The following KDM3B variants were observed in gnomAD, a reference collection of about 807,000 sequenced individuals.
The protein encoded by KDM3B is lysine demethylase 3B.
A neutral mutation model predicts 170.0 loss-of-function variants in KDM3B; 10 were observed. The ratio of observed to expected loss-of-function variants is 0.06; its 90% CI spans 0.04 to 0.10. The LOEUF is 0.10. Ranked by LOEUF, KDM3B falls within the 10% of genes least tolerant of loss-of-function variation. The pLI, the probability that KDM3B is intolerant of heterozygous loss-of-function variation, is 1.00. For missense variants in KDM3B, 1,394 were observed against 2,195.2 expected (o/e 0.64, Z 7.29); for synonymous variants, 831 against 834.8 (o/e 1.00, Z 0.08).
chr5:138,377,850 C>A (rs372701763), intron 4 of KDM3B, 25 bp downstream of exon 4: 5 of 1,514,656 alleles, frequency 3.3e-6, no homozygotes, highest in Non-Finnish European at 4.6e-6. Flanking sequence ...TCTTCTGTCC[C>A]TGAACTCTGA....
chr5:138,405,527 T>G (rs1372488388), intron 11 of KDM3B, among the ~76,000 whole-genome samples: 3 of 148,314 alleles, frequency 2.0e-5, no homozygotes, highest in African/African-American at 7.4e-5. Flanking sequence ...AAAAAACGAG[T>G]GACCATTCTA....
In KDM3B at chr5:138,391,385, G is replaced by A; in HGVS notation, c.1753G>A (p.Ala585Thr). Reference sequence around the variant, plus strand: ...AACAGACACTAAGCCAGGCTCTAAGGCTGGCAGCTCTGTGGACCGGAAAGT... The same window carrying A: ...AACAGACACTAAGCCAGGCTCTAAGACTGGCAGCTCTGTGGACCGGAAAGT... ...LGTDTKPGSK[A>T]GSSVDRKVPA... Residue 585 changes from alanine to threonine, a missense_variant, in exon 8 of 24, where the codon GCT (alanine) becomes ACT (threonine). Around this residue, in one of 19 missense-constraint regions of KDM3B, gnomAD observed 294 missense variants for 311.7 expected, o/e 0.94. Transcript: ENST00000314358. This position sits in a 1 kb window ranked among gnomAD's most constrained non-coding sequence, Gnocchi z 5.0. 1.2e-6 allele frequency: 2 copies of A among 1,613,934 alleles called. No individual in the cohort carries two copies. Among genetic ancestry groups the A allele is most frequent in the Non-Finnish European group, 1.7e-6 (2 of 1,179,886 alleles).
intron 11 of KDM3B, among the ~76,000 whole-genome samples, chr5:138,401,656 C>T (rs534372513): frequency 3.3e-5 from 5 of 152,154 alleles, no homozygotes; most frequent in African/African-American, 1.2e-4. Flanking sequence ...GTGGAATTGG[C>T]TAGGGCATAT....
intron 7 of KDM3B, among the ~76,000 whole-genome samples, chr5:138,390,706 CA>C (rs1490477124): frequency 6.6e-6 from 1 of 152,008 alleles, no homozygotes; most frequent in African/African-American, 2.4e-5. Flanking sequence ...AAATAGATAC[CA>C]AAAAGCCTAC....
chr5:138,417,280 C>T (rs1433744553), intron 12 of KDM3B, among the ~76,000 whole-genome samples: 2 of 152,186 alleles, frequency 1.3e-5, no homozygotes, highest in Non-Finnish European at 2.9e-5. Context: ...TTAGTGCTCC[C>T]GTTTACCAGC....
At chr5:138,409,554 C>G (rs991072977) in intron 11 of KDM3B, among the ~76,000 whole-genome samples, 1 of 152,098 alleles carries the variant, frequency 6.6e-6, no homozygotes, top group Non-Finnish European at 1.5e-5. Flanking sequence ...CTGAAGACTA[C>G]AACATATTAC....
At chr5:138,358,281 G>A (rs1237198551) in intron 1 of KDM3B, among the ~76,000 whole-genome samples, 5 of 149,646 alleles carry the variant, frequency 3.3e-5, no homozygotes, top group East Asian at 2.0e-4. Context: ...CGCGCTCGGC[G>A]GGAATTTTTT....
intron 1 of KDM3B, among the ~76,000 whole-genome samples, chr5:138,357,773 G>A (rs1422472627): frequency 1.3e-5 from 2 of 151,930 alleles, no homozygotes; most frequent in Admixed American, 1.3e-4. Context: ...AGGCTGGAGT[G>A]CAGTGGCGCG....
At chr5:138,360,521 A>AG (rs1761569591) in intron 1 of KDM3B, among the ~76,000 whole-genome samples, 2 of 70,514 alleles carry the variant, frequency 2.8e-5, no homozygotes, top group Non-Finnish European at 6.8e-5. Flanking sequence ...TTAAAAAAAG[A>AG]TTGTGTGTGT....
chr5:138,376,884 C>G (rs1037732263), intron 3 of KDM3B, among the ~76,000 whole-genome samples: 18 of 152,108 alleles, frequency 1.2e-4, no homozygotes, highest in Middle Eastern at 3.4e-3. Context: ...AACAAACCAG[C>G]GTCTGAGTTA....
At chr5:138,427,092 T>A in intron 18 of KDM3B, 27 bp downstream of exon 18, 2 of 1,610,260 alleles carry the variant, frequency 1.2e-6, no homozygotes, top group Non-Finnish European at 1.7e-6. Context: ...GGTGTCATCT[T>A]CAGAAGCCAT....
chr5:138,412,933 G>A (rs914019736), intron 11 of KDM3B, among the ~76,000 whole-genome samples: 1 of 152,176 alleles, frequency 6.6e-6, no homozygotes, highest in Non-Finnish European at 1.5e-5. Context: ...TACCATGCCA[G>A]CCCAAGCTAG....
At chr5:138,367,281 T>G (rs921232872) in intron 1 of KDM3B, among the ~76,000 whole-genome samples, 1 of 152,218 alleles carries the variant, frequency 6.6e-6, no homozygotes, top group African/African-American at 2.4e-5. Context: ...CTTGGCCCTG[T>G]CAAGTGCTTC....
chr5:138,417,557 A>G lies in KDM3B; in HGVS notation c.3382A>G (p.Ser1128Gly), dbSNP rs780376512. 3 of 1,614,038 alleles carry G rather than the reference A, an allele frequency of 1.9e-6. No individual in the cohort carries two copies. In the East Asian group the frequency reaches 6.7e-5, roughly 36 times the overall value. ...WGIKANCPCI[S>G]RQNKSVLRPA... ...AATTAAAGCAAACTGCCCTTGTATC[A>G]GTCGACAGAACAAATCTGTATTGAG... The change falls in exon 13 of 24, where the codon AGT becomes GGT. Residue 1128 changes from serine to glycine, a missense_variant. Physicochemically the swap from Ser to Gly is moderately conservative, Grantham distance 56 (BLOSUM62 0). Around this residue, in one of 19 missense-constraint regions of KDM3B, gnomAD observed 14 missense variants for 32.5 expected, o/e 0.43. Transcript: ENST00000314358.
chr5:138,387,846 C>G (rs571131202), intron 7 of KDM3B, among the ~76,000 whole-genome samples: 1 of 152,264 alleles, frequency 6.6e-6, no homozygotes, highest in South Asian at 2.1e-4. Flanking sequence ...CTTTGGGAGG[C>G]CAAGGCGGGC....
intron 7 of KDM3B, among the ~76,000 whole-genome samples, chr5:138,387,725 C>A (rs1161907855): frequency 6.6e-6 from 1 of 152,136 alleles, no homozygotes; most frequent in Non-Finnish European, 1.5e-5. Flanking sequence ...CCCAAGATAA[C>A]CAGGTGAGGA....
At chr5:138,373,619 A>T (rs987644496) in intron 2 of KDM3B, among the ~76,000 whole-genome samples, 4 of 152,050 alleles carry the variant, frequency 2.6e-5, no homozygotes, top group Non-Finnish European at 4.4e-5. Context: ...AGTAGCTGGG[A>T]CTACAGACGC....
chr5:138,432,376 G>A (rs1420450905), intron 23 of KDM3B, among the ~76,000 whole-genome samples: 1 of 152,116 alleles, frequency 6.6e-6, no homozygotes, highest in Non-Finnish European at 1.5e-5. Flanking sequence ...AATTTTAAGG[G>A]CAGAATTTCA....
rs1438239791 is a variant in KDM3B, at chr5:138,436,013, C to T, written c.*313C>T. ...GCACATTCTCCTGATTTGAGATTCA[C>T]GGGCACACCTTTCTTTTCTTTTCCT... On this transcript the variant is annotated 3_prime_UTR_variant, in exon 24 of 24. Coordinates refer to ENST00000314358, the MANE Select transcript of KDM3B (RefSeq NM_016604.4). 2.0e-5 allele frequency: 6 copies of T among 303,792 alleles called. No individual in the cohort carries two copies. The highest frequency in any genetic ancestry group is 2.5e-5 in the Non-Finnish European group (4 of 162,714). The allele number at this position is 303,792 out of a possible 1,614,324, so 18.8% of individuals were successfully genotyped here. A position where few individuals can be genotyped will look rare whatever the true frequency, so the allele number is the denominator to read the frequency against.
Sources: gnomAD v4.1 joint callset for allele counts (sites outside exome capture counted in the v4.1 genomes callset) on GRCh38, gnomAD v4.1.1 for gene constraint, gnomAD v4.1.1 regional missense constraint, Gnocchi (gnomAD v3.1) non-coding constraint, MANE v1.5 for transcripts, NCBI Gene and HGNC (gene_info 2026-07-23, HGNC 2026-07-21) for gene names.